Variants in PSD3 observed in about 807,000 individuals in gnomAD.
PSD3 encodes the protein pleckstrin and Sec7 domain containing 3.
A neutral mutation model predicts 105.5 loss-of-function variants in PSD3; 49 were observed. The observed-to-expected ratio is 0.46, with a 90% CI of 0.37 to 0.59. The LOEUF is 0.59. Among genes scored for constraint, PSD3 ranks in the 20% least tolerant of loss-of-function variants. PSD3 has a pLI of 0.00. For missense variants in PSD3, 1,561 were observed against 1,263.8 expected (o/e 1.24, Z -3.57); for synonymous variants, 557 against 457.8 (o/e 1.22, Z -2.77).
intron 9 of PSD3, chr8:18,732,972 T>G (rs971830108): frequency 2.8e-4 from 42 of 152,306 alleles, no homozygotes; most frequent in African/African-American, 9.9e-4. Flanking sequence ...TCTTCTGCCC[T>G]TGACTCTTCA....
intron 1 of PSD3, among the ~76,000 whole-genome samples, chr8:19,029,796 CATTA>C (rs1342628932): frequency 6.6e-6 from 1 of 152,104 alleles, no homozygotes; most frequent in Non-Finnish European, 1.5e-5. Flanking sequence ...GGGATTATTT[CATTA>C]ATTATTATTT....
At chr8:18,916,844 A>G (rs1820647410) in intron 2 of PSD3, among the ~76,000 whole-genome samples, 1 of 152,158 alleles carries the variant, frequency 6.6e-6, no homozygotes, top group Admixed American at 6.5e-5. Flanking sequence ...CCATAAATCT[A>G]TATAATTTTT....
chr8:19,019,658 T>G (rs1390649311), intron 1 of PSD3, among the ~76,000 whole-genome samples: 2 of 152,188 alleles, frequency 1.3e-5, no homozygotes. Flanking sequence ...AATTTTTCAA[T>G]TAAAATTTGC....
At chr8:18,685,809 G>A (rs576507957) in intron 9 of PSD3, among the ~76,000 whole-genome samples, 3 of 152,150 alleles carry the variant, frequency 2.0e-5, no homozygotes, top group Non-Finnish European at 4.4e-5. Flanking sequence ...AAGTAAGCTT[G>A]AGGTGGAACC....
intron 1 of PSD3, among the ~76,000 whole-genome samples, chr8:18,962,106 C>A (rs951740894): frequency 6.6e-6 from 1 of 152,010 alleles, no homozygotes; most frequent in African/African-American, 2.4e-5. Flanking sequence ...ATTAGCCGGG[C>A]CTGGTGGCGG....
chr8:18,959,212 C>T (rs186974246), intron 1 of PSD3, among the ~76,000 whole-genome samples: 459 of 152,234 alleles, frequency 3.0e-3, no homozygotes, highest in Non-Finnish European at 4.2e-3. Flanking sequence ...TGAGCCACCA[C>T]GTCCAGCTTA....
intron 15 of PSD3, among the ~76,000 whole-genome samples, chr8:18,541,341 G>A (rs1393331608): frequency 6.6e-6 from 1 of 151,896 alleles, no homozygotes. Context: ...TTCCATACAC[G>A]GTAGAAAATA....
At chr8:19,068,981 T>C (rs1829166968) in intron 1 of PSD3, among the ~76,000 whole-genome samples, 1 of 152,044 alleles carries the variant, frequency 6.6e-6, no homozygotes, top group Non-Finnish European at 1.5e-5. Context: ...CTCCCCCAAA[T>C]CCTTATTATG....
At chr8:18,555,176 G>C (rs1263495711) in intron 15 of PSD3, among the ~76,000 whole-genome samples, 1 of 152,110 alleles carries the variant, frequency 6.6e-6, no homozygotes, top group Non-Finnish European at 1.5e-5. Context: ...AACGGAAGGA[G>C]AGCGGAGTGA....
chr8:18,737,542 A>G lies in PSD3; in HGVS notation c.2172+27907T>C, dbSNP rs561958850. 1.3e-4 allele frequency among the ~76,000 whole-genome samples: 20 copies of G among 152,236 alleles called. No homozygotes were observed. In the East Asian group the frequency reaches 3.9e-3, roughly 29 times the overall value. On this transcript the variant is annotated intron_variant, in intron 9 of 15. Transcript: ENST00000327040. ...GGTTTCAAACTCTTGACCTCAAGCA[A>G]TCTGCTCGCTTGGCCTCCCAGAGTG...
intron 14 of PSD3, among the ~76,000 whole-genome samples, chr8:18,559,109 T>C (rs1801245192): frequency 6.6e-6 from 1 of 152,224 alleles, no homozygotes; most frequent in Non-Finnish European, 1.5e-5. Context: ...ACATGTCTCC[T>C]AGGGAATCTG....
intron 1 of PSD3, among the ~76,000 whole-genome samples, chr8:19,077,083 T>G (rs534854976): frequency 6.6e-6 from 1 of 152,230 alleles, no homozygotes; most frequent in East Asian, 1.9e-4. Context: ...AAATGCTTTA[T>G]GGGGAAGATT....
chr8:18,579,566 C>T (rs1333581630), intron 12 of PSD3, among the ~76,000 whole-genome samples: 1 of 152,164 alleles, frequency 6.6e-6, no homozygotes, highest in Non-Finnish European at 1.5e-5. Context: ...AATGTGATTT[C>T]ACAATGCTAT....
Position 18,854,707 on chromosome 8 carries a change from A to G in PSD3, c.1634+12967T>C, listed in dbSNP as rs994478413. Among the ~76,000 whole-genome samples, 6 of 152,242 alleles carry G rather than the reference A, an allele frequency of 3.9e-5. 1 individual carries two copies. The highest frequency in any genetic ancestry group is 1.4e-4 in the African/African-American group (6 of 41,460). On this transcript the variant is annotated intron_variant, in intron 4 of 15. Transcript: ENST00000327040. ...TAGATTTAAGTCATTAATATTATACACAATTTAGCTCTGTTAAATTCACAC... is the reference window on the plus strand; with the variant it reads ...TAGATTTAAGTCATTAATATTATACGCAATTTAGCTCTGTTAAATTCACAC...
chr8:18,796,137 C>A (rs1455702318), intron 8 of PSD3, among the ~76,000 whole-genome samples: 1 of 151,276 alleles, frequency 6.6e-6, no homozygotes, highest in East Asian at 1.9e-4. Context: ...ATATATCAGT[C>A]ACATTTTTTT....
rs935252683 is a variant in PSD3 at position 18,529,260 on chromosome 8, C to G, written c.*6483G>C. On this transcript the variant is annotated 3_prime_UTR_variant, in exon 16 of 16. Coordinates refer to ENST00000327040, the MANE Select transcript of PSD3 (RefSeq NM_015310.4). ...TTTATGTGTTAAAAATATAATGCATCTCAAAGTCAGACACTAGAGCTCAGA... is the reference window on the plus strand; with the variant it reads ...TTTATGTGTTAAAAATATAATGCATGTCAAAGTCAGACACTAGAGCTCAGA... The G allele has an allele frequency of 6.6e-6, 1 of 152,178 alleles. No homozygotes were observed. Among genetic ancestry groups the G allele is most frequent in the Non-Finnish European group, 1.5e-5 (1 of 68,026 alleles). 9.4% of individuals were successfully genotyped at this position (152,178 alleles called of 1,614,324 possible).
chr8:18,551,130 C>T (rs1257824310), intron 15 of PSD3, among the ~76,000 whole-genome samples: 1 of 152,152 alleles, frequency 6.6e-6, no homozygotes, highest in African/African-American at 2.4e-5. Flanking sequence ...AGATATGCCT[C>T]TGCACTGCTC....
rs564648042 is a variant in PSD3 at position 19,030,393 on chromosome 8, T to A, written c.324+53813A>T. Among the ~76,000 whole-genome samples the A allele has an allele frequency of 3.9e-5, 6 of 152,260 alleles. No individual in the cohort carries two copies. The Middle Eastern group carries it at 0.014, about 345-fold the overall frequency. The stretch of plus-strand genomic sequence containing the variant: ...ATTTGTCCCCACCCAAATCTCGTGT[T>A]GAATTGTAATCCCCAGCATTGAAGG... On this transcript the variant is annotated intron_variant, in intron 1 of 1. Coordinates refer to the PSD3 transcript ENST00000521475.
rs11997041 is a variant in PSD3 at position 18,661,298 on chromosome 8, G to A, written c.2173-5613C>T. 6.2e-3 allele frequency among the ~76,000 whole-genome samples: 950 copies of A among 152,170 alleles called. 11 individuals carry two copies. Among genetic ancestry groups the A allele is most frequent in the African/African-American group, 0.021 (862 of 41,516 alleles). ...CTCAGAAAGAATTATGACACCATCCGTACCACAATTCTCTCTTTCAAATGC... is the reference window on the plus strand; with the variant it reads ...CTCAGAAAGAATTATGACACCATCCATACCACAATTCTCTCTTTCAAATGC... On this transcript the variant is annotated intron_variant, in intron 9 of 15. Transcript: ENST00000327040.
Sources: allele counts gnomAD v4.1 joint callset (sites outside exome capture counted in the v4.1 genomes callset), GRCh38; gene constraint gnomAD v4.1.1; transcripts MANE v1.5; gene names NCBI Gene and HGNC (gene_info 2026-07-23, HGNC 2026-07-21).